Variants in FAM53B observed in about 807,000 individuals in gnomAD.
The protein encoded by FAM53B is protein FAM53B.
In FAM53B, 12 loss-of-function variants were observed where a neutral mutation model predicts 32.7. The observed-to-expected ratio is 0.37, with a 90% CI of 0.24 to 0.59. The LOEUF (loss-of-function observed/expected upper bound fraction) is 0.59, where lower values mean the gene tolerates loss of function less well. Among genes scored for constraint, FAM53B ranks in the 20% least tolerant of loss-of-function variants. The pLI, the probability that FAM53B is intolerant of heterozygous loss-of-function variation, is 0.72. For synonymous variants in FAM53B, 234 were observed against 228.7 expected, an observed-to-expected ratio of 1.02 and a Z score of -0.21; for missense variants, 477 against 577.7, an observed-to-expected ratio of 0.83 and a Z score of 1.79.
At chr10:124,710,839 T>G (rs1055780971) in intron 1 of FAM53B, among the ~76,000 whole-genome samples, 2 of 152,158 alleles carry the variant, frequency 1.3e-5, no homozygotes, top group African/African-American at 4.8e-5. Context: ...GGGTCCGGGT[T>G]CAAAGCTGGG....
In FAM53B at chr10:124,676,616, G is replaced by C. The variant is rs1031940264; in HGVS notation, c.906+4991C>G. Among the ~76,000 whole-genome samples, 15 of 17,106 alleles carry C rather than the reference G, an allele frequency of 8.8e-4. No individual in the cohort carries two copies. The Non-Finnish European group carries it at 0.018, about 20-fold the overall frequency. The allele number at this position is 17,106 out of a possible 152,430, so 11.2% of individuals were successfully genotyped here. ...CACAAAAGATGGAAAGTGGAAGCTGGCTGGGGGGGCTTCACCTGGGGAGGA... is the reference window on the plus strand; with the variant it reads ...CACAAAAGATGGAAAGTGGAAGCTGCCTGGGGGGGCTTCACCTGGGGAGGA... On this transcript the variant is annotated intron_variant, in intron 4 of 4. Coordinates refer to ENST00000337318, the MANE Select transcript of FAM53B (RefSeq NM_014661.4).
intron 4 of FAM53B, among the ~76,000 whole-genome samples, chr10:124,668,437 A>C (rs1473310107): frequency 6.6e-6 from 1 of 152,270 alleles, no homozygotes; most frequent in African/African-American, 2.4e-5. Flanking sequence ...AGTGAGATGG[A>C]AACTCTCTAG....
intron 4 of FAM53B, among the ~76,000 whole-genome samples, chr10:124,646,945 C>T (rs1218254598): frequency 1.3e-5 from 2 of 152,238 alleles, no homozygotes; most frequent in Non-Finnish European, 2.9e-5. Context: ...TCTCACACAG[C>T]CAGCCTCCTG....
intron 1 of FAM53B, among the ~76,000 whole-genome samples, chr10:124,722,221 A>G (rs1318592106): frequency 1.3e-5 from 2 of 152,204 alleles, no homozygotes; most frequent in African/African-American, 2.4e-5. Flanking sequence ...TAAACGTTTG[A>G]GATGTTGGAA....
In FAM53B at chr10:124,621,721, C is replaced by T; in HGVS notation, c.*1521G>A. On this transcript the variant is annotated 3_prime_UTR_variant, in exon 5 of 5. Coordinates refer to ENST00000337318, the MANE Select transcript of FAM53B (RefSeq NM_014661.4). ...AAAGAAGGTGAGAAGCATCTGGACT[C>T]AACCTGCAGAAGCGAGGCGTTCACT... is the stretch of plus-strand genomic sequence containing the variant. 6.6e-6 allele frequency: 1 copy of T among 152,268 alleles called. No homozygotes were observed. The highest frequency in any genetic ancestry group is 6.5e-5 in the Admixed American group (1 of 15,282). 9.4% of individuals were successfully genotyped at this position (152,268 alleles called of 1,614,324 possible).
At chr10:124,730,910 C>A (rs72843403) in intron 1 of FAM53B, among the ~76,000 whole-genome samples, 243 of 152,262 alleles carry the variant, frequency 1.6e-3, no homozygotes, top group Middle Eastern at 3.4e-3. Context: ...ACCCTGTGGT[C>A]TATAAATTCT....
At chr10:124,641,375 G>T (rs1395045358) in intron 4 of FAM53B, among the ~76,000 whole-genome samples, 1 of 152,200 alleles carries the variant, frequency 6.6e-6, no homozygotes, top group Non-Finnish European at 1.5e-5. Context: ...CCAGCTTCAG[G>T]ACAGGGCCCC....
chr10:124,734,527 C>T (rs967685860), intron 1 of FAM53B, among the ~76,000 whole-genome samples: 5 of 152,184 alleles, frequency 3.3e-5, no homozygotes, highest in African/African-American at 9.7e-5. Flanking sequence ...ATGCAGCCCT[C>T]GCTCACAAAG....
intron 3 of FAM53B, among the ~76,000 whole-genome samples, chr10:124,683,198 G>A (rs113810401): frequency 1.3e-5 from 2 of 152,250 alleles, no homozygotes; most frequent in African/African-American, 2.4e-5. Flanking sequence ...ATTTGCACAC[G>A]AACCTTTATT....
chr10:124,682,119 G>C lies in FAM53B; in HGVS notation c.394C>G (p.Pro132Ala). 6.2e-7 allele frequency: 1 copy of C among 1,613,758 alleles called. No individual in the cohort carries two copies. Among genetic ancestry groups the C allele is most frequent in the Non-Finnish European group, 8.5e-7 (1 of 1,179,904 alleles). Residue 132 changes from proline to alanine, a missense_variant, in exon 4 of 5, where the codon CCC becomes GCC. Pro to Ala is a conservative substitution (Grantham distance 27). Transcript: ENST00000337318. This position sits in a 1 kb window ranked among gnomAD's most constrained non-coding sequence, Gnocchi z 5.2. ...EMSSCRTSWRPLGSKVWTPVE... is the reference protein window; with the variant it reads ...EMSSCRTSWRALGSKVWTPVE... The stretch of plus-strand genomic sequence containing the variant: ...GGAGTCCAGACTTTGGAGCCCAAGG[G>C]CCTCCATGATGTCCGGCAACTGGAC...
At chr10:124,732,824 C>T (rs938205166) in intron 1 of FAM53B, among the ~76,000 whole-genome samples, 1 of 148,370 alleles carries the variant, frequency 6.7e-6, no homozygotes, top group African/African-American at 2.5e-5. Context: ...AGTGAGACTC[C>T]ATCACAAAAA....
intron 1 of FAM53B, among the ~76,000 whole-genome samples, chr10:124,723,678 G>C (rs533585271): frequency 2.0e-5 from 3 of 152,334 alleles, no homozygotes; most frequent in Middle Eastern, 3.4e-3. Context: ...GTCAGGGCCT[G>C]ATGTGAGGCG....
chr10:124,697,082 C>T (rs1348082015), intron 2 of FAM53B, among the ~76,000 whole-genome samples: 4 of 152,208 alleles, frequency 2.6e-5, no homozygotes, highest in African/African-American at 9.6e-5. Flanking sequence ...GAGGCTCGCT[C>T]GGTCCTCTCA....
chr10:124,635,051 T>C (rs1292157711), intron 4 of FAM53B, among the ~76,000 whole-genome samples: 2 of 152,162 alleles, frequency 1.3e-5, no homozygotes, highest in Non-Finnish European at 2.9e-5. Context: ...TAATATACAA[T>C]TGAGAAGAAA....
chr10:124,705,123 G>C (rs1949944168), intron 2 of FAM53B, among the ~76,000 whole-genome samples: 1 of 152,226 alleles, frequency 6.6e-6, no homozygotes, highest in South Asian at 2.1e-4. Context: ...CCTTGCAGCT[G>C]GGGGTGACAC....
At chr10:124,633,798 A>G (rs999941021) in intron 4 of FAM53B, among the ~76,000 whole-genome samples, 1 of 152,218 alleles carries the variant, frequency 6.6e-6, no homozygotes, top group Admixed American at 6.5e-5. Context: ...ACACAGACCA[A>G]AGAGTGTAAT....
chr10:124,697,885 T>C (rs1454233239), intron 2 of FAM53B, among the ~76,000 whole-genome samples: 2 of 152,110 alleles, frequency 1.3e-5, no homozygotes, highest in Non-Finnish European at 2.9e-5. Context: ...TGTGGAAATA[T>C]CTGGGAAGAA....
Position 124,620,751 on chromosome 10 carries a change from C to T in FAM53B, c.*2491G>A, listed in dbSNP as rs138417237. Reference sequence around the variant, plus strand: ...GGGTCTACTCCCTCCAGTCAAAACACAAACATGAAACCAGCTAAAGGCCAT... The same window carrying T: ...GGGTCTACTCCCTCCAGTCAAAACATAAACATGAAACCAGCTAAAGGCCAT... On this transcript the variant is annotated 3_prime_UTR_variant, in exon 5 of 5. Transcript: ENST00000337318. 12 of 152,576 alleles carry T rather than the reference C, an allele frequency of 7.9e-5. No individual in the cohort carries two copies. The highest frequency in any genetic ancestry group is 2.9e-4 in the African/African-American group (12 of 41,572). The allele number at this position is 152,576 out of a possible 1,614,324, so 9.5% of individuals were successfully genotyped here.
chr10:124,658,575 C>A (rs1949610440), intron 4 of FAM53B, among the ~76,000 whole-genome samples: 1 of 152,178 alleles, frequency 6.6e-6, no homozygotes, highest in Non-Finnish European at 1.5e-5. Flanking sequence ...TGGTGCTGGA[C>A]CTTTGAGAAC....
Sources: gnomAD v4.1 joint callset for allele counts (sites outside exome capture counted in the v4.1 genomes callset) on GRCh38, gnomAD v4.1.1 for gene constraint, Gnocchi (gnomAD v3.1) non-coding constraint, MANE v1.5 for transcripts, NCBI Gene and HGNC (gene_info 2026-07-23, HGNC 2026-07-21) for gene names.